ELOVL6: variants seen among roughly 807,000 people sequenced by gnomAD.
ELOVL6 encodes ELOVL fatty acid elongase 6, also known as very long chain fatty acid elongase 6.
In ELOVL6, 8 loss-of-function variants were observed where a neutral mutation model predicts 31.7. That is an observed-to-expected ratio of 0.25 (90% confidence interval 0.15 to 0.45). The LOEUF (loss-of-function observed/expected upper bound fraction) is 0.45. Ranked by LOEUF, ELOVL6 falls within the 20% of genes least tolerant of loss-of-function variation. The probability of loss-of-function intolerance (pLI) is 1.00; values close to 1 mark genes in which losing one functional copy is unlikely to be tolerated. For synonymous variants in ELOVL6, 101 were observed against 117.7 expected (o/e 0.86, Z 0.92); for missense variants, 126 against 326.4 (o/e 0.39, Z 4.73).
intron 2 of ELOVL6, among the ~76,000 whole-genome samples, chr4:110,083,605 T>C (rs1755953153): frequency 6.6e-6 from 1 of 151,692 alleles, no homozygotes; most frequent in African/African-American, 2.4e-5. Flanking sequence ...TGGTAGGTTT[T>C]AAGCAGGTAA....
At chr4:110,060,771 A>C (rs1755114836) in intron 2 of ELOVL6, among the ~76,000 whole-genome samples, 1 of 152,192 alleles carries the variant, frequency 6.6e-6, no homozygotes, top group Admixed American at 6.5e-5. Flanking sequence ...TTTTCTGCCC[A>C]AAAGGGCAGC....
At position 110,048,715 on chromosome 4, in the gene ELOVL6, TA is replaced by T. The variant is rs5860996; in HGVS notation, c.*2622del. On this transcript the variant is annotated 3_prime_UTR_variant, in exon 4 of 4. Coordinates refer to ENST00000302274, the MANE Select transcript of ELOVL6 (RefSeq NM_024090.3). ...AATTTTGTTTTGTTTTGTTTTGTTT[TA>T]AAAAAAATGTGGCTTTTTTCCTCCC... 0.53 allele frequency: 78,526 copies of T among 146,862 alleles called. 23,276 individuals are homozygous for T. Among genetic ancestry groups the T allele is most frequent in the African/African-American group, 0.82 (33,913 of 41,136 alleles). 9.1% of individuals were successfully genotyped at this position (146,862 alleles called of 1,614,324 possible).
intron 2 of ELOVL6, among the ~76,000 whole-genome samples, chr4:110,093,819 C>T (rs1045664259): frequency 5.3e-5 from 8 of 151,624 alleles, no homozygotes; most frequent in Non-Finnish European, 1.5e-5. Context: ...ATATGACAGG[C>T]GTTAAAGGGA....
intron 3 of ELOVL6, among the ~76,000 whole-genome samples, chr4:110,058,558 T>C (rs950382554): frequency 6.6e-6 from 1 of 152,046 alleles, no homozygotes; most frequent in Non-Finnish European, 1.5e-5. Context: ...ACACGGGGCG[T>C]GAACAAGGGG....
chr4:110,146,611 T>TCA (rs936880240), intron 1 of ELOVL6: 9 of 152,336 alleles, frequency 5.9e-5, no homozygotes, highest in African/African-American at 2.2e-4. Context: ...GATAGAGTTG[T>TCA]CAGGTGTGCC....
intron 1 of ELOVL6, among the ~76,000 whole-genome samples, chr4:110,120,986 A>C (rs1008917987): frequency 2.0e-5 from 3 of 151,672 alleles, no homozygotes; most frequent in African/African-American, 7.3e-5. Context: ...TTTTTAGTAG[A>C]GACAGGGCTT....
intron 1 of ELOVL6, among the ~76,000 whole-genome samples, chr4:110,184,418 A>G (rs1454559710): frequency 6.6e-6 from 1 of 152,212 alleles, no homozygotes; most frequent in African/African-American, 2.4e-5. Flanking sequence ...ATGGGTGGAG[A>G]GAAGAAGGCT....
At chr4:110,187,189 C>A (rs1208645979) in intron 1 of ELOVL6, among the ~76,000 whole-genome samples, 1 of 151,554 alleles carries the variant, frequency 6.6e-6, no homozygotes, top group African/African-American at 2.4e-5. Context: ...AAAATCACTC[C>A]TTTTCCTATG....
chr4:110,076,756 C>T (rs746567399), intron 2 of ELOVL6, among the ~76,000 whole-genome samples: 13 of 152,140 alleles, frequency 8.5e-5, no homozygotes, highest in Admixed American at 2.0e-4. Context: ...GTGGGTGCAG[C>T]GCACCGAGTG....
chr4:110,084,036 T>TCATATATAACATATGCTATACACGAC (rs1756014061), intron 2 of ELOVL6, among the ~76,000 whole-genome samples: 5 of 25,908 alleles, frequency 1.9e-4, no homozygotes, highest in African/African-American at 3.4e-4. Flanking sequence ...CCATATATGG[T>TCATATATAACATATGCTATACACGAC]ATATAACACA....
At chr4:110,125,725 G>A (rs986562112) in intron 1 of ELOVL6, among the ~76,000 whole-genome samples, 8 of 151,840 alleles carry the variant, frequency 5.3e-5, no homozygotes, top group African/African-American at 1.9e-4. Flanking sequence ...TACTCAGGAG[G>A]CTGAGGCAAA....
intron 2 of ELOVL6, among the ~76,000 whole-genome samples, chr4:110,084,219 T>TTATATGATATATAACA (rs1756081262): frequency 1.9e-5 from 1 of 51,490 alleles, no homozygotes; most frequent in African/African-American, 8.0e-5. Context: ...AACATATAAC[T>TTATATGATATATAACA]TATATGATAT....
chr4:110,158,653 ATATATT>A (rs1304947584), intron 1 of ELOVL6, among the ~76,000 whole-genome samples: 13 of 85,252 alleles, frequency 1.5e-4, no homozygotes, highest in African/African-American at 3.3e-4. Flanking sequence ...ATATATATAT[ATATATT>A]TTTTTTTTTT....
At chr4:110,124,990 A>G (rs2126255255) in intron 1 of ELOVL6, among the ~76,000 whole-genome samples, 1 of 152,354 alleles carries the variant, frequency 6.6e-6, no homozygotes, top group Middle Eastern at 3.4e-3. Flanking sequence ...ACTTTTTAAT[A>G]TATGTTTCTC....
intron 2 of ELOVL6, among the ~76,000 whole-genome samples, chr4:110,085,889 G>C (rs527527733): frequency 6.6e-6 from 1 of 152,192 alleles, no homozygotes; most frequent in Non-Finnish European, 1.5e-5. Context: ...TAAATATTTT[G>C]TACTTTTTGT....
At chr4:110,094,428 T>TAA (rs1756512059) in intron 2 of ELOVL6, among the ~76,000 whole-genome samples, 1 of 57,710 alleles carries the variant, frequency 1.7e-5, no homozygotes, top group South Asian at 7.3e-4. Context: ...TATATATATA[T>TAA]ATATATATAT....
In ELOVL6 at chr4:110,076,155, T is replaced by C. The variant is rs192000806; in HGVS notation, c.222-16401A>G. On this transcript the variant is annotated intron_variant, in intron 2 of 3. Coordinates refer to ENST00000302274, the MANE Select transcript of ELOVL6 (RefSeq NM_024090.3). ...ATCCTGACAGACAGATGTGAAGAAA[T>C]TGCTTGATAATGACTCAGTACTTGA... Among the ~76,000 whole-genome samples the C allele has an allele frequency of 3.9e-4, 60 of 152,272 alleles. No individual in the cohort carries two copies. In the East Asian group the frequency reaches 6.4e-3, roughly 16 times the overall value.
chr4:110,079,956 T>C (rs1308514400), intron 2 of ELOVL6, among the ~76,000 whole-genome samples: 1 of 152,134 alleles, frequency 6.6e-6, no homozygotes, highest in African/African-American at 2.4e-5. Flanking sequence ...GAGAATGCTA[T>C]AAACACCTCC....
intron 1 of ELOVL6, among the ~76,000 whole-genome samples, chr4:110,125,173 T>C (rs761301530): frequency 6.6e-6 from 1 of 152,180 alleles, no homozygotes; most frequent in Non-Finnish European, 1.5e-5. Context: ...TTTTAAAAAA[T>C]AAAGCCTTTG....
Sources: allele counts gnomAD v4.1 joint callset (sites outside exome capture counted in the v4.1 genomes callset), GRCh38; gene constraint gnomAD v4.1.1; transcripts MANE v1.5; gene names NCBI Gene and HGNC (gene_info 2026-07-23, HGNC 2026-07-21).